Variants in ANKRD36C observed in about 807,000 individuals in gnomAD.
ANKRD36C encodes the protein ankyrin repeat domain 36C.
In ANKRD36C, 61 loss-of-function variants were observed where a neutral mutation model predicts 276.4. The ratio of observed to expected loss-of-function variants is 0.22; its 90% CI spans 0.18 to 0.27. ANKRD36C has a LOEUF of 0.27. Ranked by LOEUF, ANKRD36C falls within the 10% of genes least tolerant of loss-of-function variation. The pLI is 1.00. For missense variants in ANKRD36C, 1,447 were observed against 2,032.3 expected (o/e 0.71, Z 5.54); for synonymous variants, 483 against 680.1 (o/e 0.71, Z 4.51).
At chr2:95,862,771 T>G (rs553970630) in intron 60 of ANKRD36C, among the ~76,000 whole-genome samples, 1 of 152,058 alleles carries the variant, frequency 6.6e-6, no homozygotes, top group East Asian at 1.9e-4. Context: ...TTACAGGTAG[T>G]TGGTCATGAG....
Position 95,856,182 on chromosome 2 carries a change from T to C in ANKRD36C, c.4081-2A>G. 6.3e-7 allele frequency: 1 copy of C among 1,578,846 alleles called. No individual in the cohort carries two copies. Among genetic ancestry groups the C allele is most frequent in the South Asian group, 1.2e-5 (1 of 85,464 alleles). On this transcript the variant is annotated splice_acceptor_variant, in intron 62 of 66. Transcript: ENST00000456556. LOFTEE classifies it high-confidence loss of function. ...TTCTTTTTCATCAGTTTCAGAAACC[T>C]AAGTAAAACAAAGCAAACTTGTAAC...
At chr2:95,912,577 C>A in intron 40 of ANKRD36C, 142 bp from the exon 43 acceptor site, 1 of 1,498,412 alleles carries the variant, frequency 6.7e-7, no homozygotes. Context: ...TGTCTGGGGA[C>A]CAGAACGTGA....
chr2:95,958,730 T>C (rs558785949), intron 11 of ANKRD36C, 27 bp downstream of exon 11: 108 of 1,534,736 alleles, frequency 7.0e-5, no homozygotes, highest in Non-Finnish European at 8.9e-5. Context: ...CAGTTAATTA[T>C]TCAAAATATG....
intron 16 of ANKRD36C, among the ~76,000 whole-genome samples, chr2:95,950,093 T>C (rs377308971): frequency 2.7e-3 from 360 of 134,678 alleles, no homozygotes; most frequent in South Asian, 8.6e-3. Context: ...GAATTAGAAA[T>C]ATCCTTTTAA....
intron 52 of ANKRD36C, among the ~76,000 whole-genome samples, chr2:95,884,826 A>AC (rs1168852957): frequency 1.4e-5 from 2 of 144,670 alleles, no homozygotes; most frequent in Non-Finnish European, 2.9e-5. Flanking sequence ...GAGAAGGTAC[A>AC]CAATTACAAT....
At chr2:95,944,214 T>C (rs1404905422) in intron 19 of ANKRD36C, among the ~76,000 whole-genome samples, 2 of 152,212 alleles carry the variant, frequency 1.3e-5, no homozygotes, top group African/African-American at 2.4e-5. Context: ...TACTAATCTT[T>C]GTCATCTTGA....
intron 6 of ANKRD36C, 94 bp downstream of exon 6, chr2:95,978,028 A>AT (rs1261212778): frequency 9.1e-6 from 4 of 439,394 alleles, no homozygotes; most frequent in East Asian, 4.8e-5. Flanking sequence ...TTAAACAGTG[A>AT]TTTTTTTAAA....
intron 59 of ANKRD36C, among the ~76,000 whole-genome samples, chr2:95,875,660 C>T (rs1462658690): frequency 6.6e-6 from 1 of 151,812 alleles, no homozygotes; most frequent in African/African-American, 2.4e-5. Flanking sequence ...TGCACATGTT[C>T]CCTAAAACTT....
At chr2:95,871,235 T>A (rs1675804272) in intron 59 of ANKRD36C, among the ~76,000 whole-genome samples, 1 of 151,750 alleles carries the variant, frequency 6.6e-6, no homozygotes, top group Non-Finnish European at 1.5e-5. Context: ...AAAGTTGAAA[T>A]GAAGGAAAAA....
downstream of ANKRD36C, among the ~76,000 whole-genome samples, chr2:95,850,516 G>C (rs1675270615): frequency 6.6e-6 from 1 of 152,214 alleles, no homozygotes; most frequent in Non-Finnish European, 1.5e-5. Context: ...CAAACAGCTG[G>C]AGGTGAAGAC....
At chr2:95,908,049 C>G (rs928456050) in intron 42 of ANKRD36C, among the ~76,000 whole-genome samples, 1 of 150,916 alleles carries the variant, frequency 6.6e-6, no homozygotes, top group African/African-American at 2.4e-5. Flanking sequence ...CACAATCTGT[C>G]TTCCTTAGGA....
intron 62 of ANKRD36C, 125 bp downstream of exon 82, chr2:95,857,184 C>A: frequency 3.4e-6 from 4 of 1,183,798 alleles, no homozygotes; most frequent in Non-Finnish European, 4.5e-6. Flanking sequence ...TGCCATGATT[C>A]ATTTTTAAGA....
chr2:95,868,033 C>A (rs929412221), intron 59 of ANKRD36C, among the ~76,000 whole-genome samples: 23 of 151,174 alleles, frequency 1.5e-4, no homozygotes, highest in African/African-American at 5.3e-4. Context: ...GGAAGTTGAA[C>A]TTTCTCCAAA....
At chr2:95,985,197 A>T (rs929022158) in intron 3 of ANKRD36C, among the ~76,000 whole-genome samples, 1 of 152,218 alleles carries the variant, frequency 6.6e-6, no homozygotes, top group Non-Finnish European at 1.5e-5. Flanking sequence ...GGTGGCAAAG[A>T]AAAGGTGTTA....
chr2:95,931,669 T>G (rs1371311522), intron 24 of ANKRD36C, among the ~76,000 whole-genome samples: 2 of 147,178 alleles, frequency 1.4e-5, no homozygotes, highest in Non-Finnish European at 3.0e-5. Flanking sequence ...GTAATTGACA[T>G]GAAAAATGAA....
downstream of ANKRD36C, among the ~76,000 whole-genome samples, chr2:95,850,326 C>T (rs1573713108): frequency 6.6e-6 from 1 of 152,244 alleles, no homozygotes; most frequent in African/African-American, 2.4e-5. Context: ...AACAAACAGG[C>T]AATTCCCGTA....
intron 44 of ANKRD36C, among the ~76,000 whole-genome samples, chr2:95,895,915 C>A (rs1454107437): frequency 6.6e-6 from 1 of 150,746 alleles, no homozygotes; most frequent in Non-Finnish European, 1.5e-5. Context: ...GCAACTCATA[C>A]ACGTGAGAAT....
chr2:95,946,176 AAAC>A (rs1678044277), intron 17 of ANKRD36C, among the ~76,000 whole-genome samples: 2 of 150,304 alleles, frequency 1.3e-5, no homozygotes, highest in South Asian at 2.1e-4. Flanking sequence ...AAAAAAAAAA[AAAC>A]AATAAAATTC....
intron 6 of ANKRD36C, among the ~76,000 whole-genome samples, chr2:95,975,329 A>T (rs1415146424): frequency 1.3e-5 from 2 of 152,190 alleles, no homozygotes; most frequent in Admixed American, 1.3e-4. Flanking sequence ...AGTCAATCCT[A>T]AGCCAAAAGA....
Sources: gnomAD v4.1 joint callset for allele counts (sites outside exome capture counted in the v4.1 genomes callset) on GRCh38, gnomAD v4.1.1 for gene constraint, MANE v1.5 for transcripts, NCBI Gene and HGNC (gene_info 2026-07-23, HGNC 2026-07-21) for gene names.